HTT: variants seen among roughly 807,000 people sequenced by gnomAD.
The protein encoded by HTT is huntingtin.
Under a neutral mutation model 362.3 loss-of-function variants are expected in HTT, and 104 were observed. The observed-to-expected ratio is 0.29, with a 90% confidence interval of 0.24 to 0.34. The LOEUF is 0.34. HTT is among the 10% of genes least tolerant of loss of function. The pLI is 1.00. For synonymous variants in HTT, 1,577 were observed against 1,548.7 expected (o/e 1.02, Z -0.43); for missense variants, 3,301 against 3,928.6 (o/e 0.84, Z 4.27).
intron 60 of HTT, among the ~76,000 whole-genome samples, chr4:3,232,586 G>A (rs965610667): frequency 3.9e-5 from 6 of 152,208 alleles, no homozygotes; most frequent in Non-Finnish European, 1.5e-5. Context: ...ACTACCCCAG[G>A]CTTTTCTAGA....
intron 5 of HTT, among the ~76,000 whole-genome samples, chr4:3,106,124 A>G (rs573478874): frequency 6.6e-6 from 1 of 152,294 alleles, no homozygotes; most frequent in South Asian, 2.1e-4. Context: ...TGATCCCAGC[A>G]CTTCAGGAGG....
Position 3,172,392 on chromosome 4 carries a change from C to A in HTT, c.3937C>A (p.Gln1313Lys). 1 of 1,601,152 alleles carries A rather than the reference C, an allele frequency of 6.2e-7. No individual in the cohort carries two copies. The highest frequency in any genetic ancestry group is 1.1e-5 in the South Asian group (1 of 90,788). Residue 1313 changes from glutamine (Q) to lysine (K), a missense_variant, in exon 30 of 67, where the codon CAA (glutamine) becomes AAA (lysine). Gln to Lys is a moderately conservative substitution (Grantham distance 53). This residue lies in a region of HTT where 2,316 missense variants were observed against 2,658.5 expected (regional missense o/e 0.87). Coordinates refer to ENST00000355072, the MANE Select transcript of HTT (RefSeq NM_001388492.1). ...ACCAATGATGGCAACTGTTTGTGTT[C>A]AACAAGTAAGAGCTTCATTCTTTTC... ...REPMMATVCV[Q>K]QLLKTLFGTN...
At chr4:3,171,818 C>T (rs949836597) in intron 29 of HTT, among the ~76,000 whole-genome samples, 1 of 152,172 alleles carries the variant, frequency 6.6e-6, no homozygotes, top group South Asian at 2.1e-4. Context: ...CTGTACATCT[C>T]GTTATAGATG....
chr4:3,204,851 T>G (rs1719778792), intron 42 of HTT, among the ~76,000 whole-genome samples: 1 of 151,980 alleles, frequency 6.6e-6, no homozygotes, highest in Non-Finnish European at 1.5e-5. Flanking sequence ...GGCGTGGTGG[T>G]GCATGCCTGT....
intron 64 of HTT, among the ~76,000 whole-genome samples, chr4:3,237,652 C>T (rs898279931): frequency 2.0e-5 from 3 of 152,202 alleles, no homozygotes; most frequent in African/African-American, 7.2e-5. Context: ...GGCTGCCATG[C>T]CACTGCTGGG....
intron 1 of HTT, among the ~76,000 whole-genome samples, chr4:3,085,000 C>A (rs1299360015): frequency 4.0e-5 from 6 of 149,484 alleles, no homozygotes; most frequent in Admixed American, 2.0e-4. Flanking sequence ...GGCGACAGAG[C>A]AAGACTCCGT....
At chr4:3,229,643 G>A (rs181981283) in intron 59 of HTT, among the ~76,000 whole-genome samples, 8 of 148,834 alleles carry the variant, frequency 5.4e-5, no homozygotes, top group Middle Eastern at 3.3e-3. Context: ...CACCACATGC[G>A]CACACACACA....
rs1175675326 is a variant in HTT, at chr4:3,121,394, G to A, written c.1235G>A (p.Gly412Asp). The A allele has an allele frequency of 6.2e-7, 1 of 1,614,182 alleles. No homozygotes were observed. The highest frequency in any genetic ancestry group is 8.5e-7 in the Non-Finnish European group (1 of 1,180,020). The change falls in exon 9 of 67, where the codon GGT becomes GAT. Residue 412 changes from glycine (G) to aspartate (D), a missense_variant. Around this residue, in one of 4 missense-constraint regions of HTT, gnomAD observed 2,316 missense variants for 2,658.5 expected, o/e 0.87. Transcript: ENST00000355072. The stretch of plus-strand genomic sequence containing the variant: ...CTCACCGCTGCTAAGGAGGAGTCTG[G>A]TGGCCGAAGCCGTAGTGGGAGTATT... ...GQLTAAKEES[G>D]GRSRSGSIVE...
rs1714022465 is a variant in HTT at position 3,099,242 on chromosome 4, C to G, written c.348-32C>G. 2.0e-6 allele frequency: 3 copies of G among 1,518,360 alleles called. No homozygotes were observed. The African/African-American group carries it at 4.1e-5, about 21-fold the overall frequency. 94.1% of individuals were successfully genotyped at this position (1,518,360 alleles called of 1,614,324 possible). A position where few individuals can be genotyped will look rare whatever the true frequency, so the allele number is the denominator to read the frequency against. On this transcript the variant is annotated intron_variant, in intron 2 of 66. Transcript: ENST00000355072. ...TTCATTGTCATGTCACCTTAGGCTC[C>G]TCTTGACAGTTTCTCTTCTTTTTTT...
chr4:3,198,343 GCCT>G (rs1719367067), intron 40 of HTT, among the ~76,000 whole-genome samples: 1 of 144,114 alleles, frequency 6.9e-6, no homozygotes, highest in Non-Finnish European at 1.5e-5. Flanking sequence ...TTGTGCTCCC[GCCT>G]CCCAAATACC....
rs567143747 is a variant in HTT, at chr4:3,193,526, C to T, written c.5368+4433C>T. Among the ~76,000 whole-genome samples the T allele has an allele frequency of 8.5e-5, 13 of 152,292 alleles. No homozygotes were observed. The East Asian group carries it at 1.3e-3, about 16-fold the overall frequency. On this transcript the variant is annotated intron_variant, in intron 40 of 66. Transcript: ENST00000355072. ...TTCTGTGTCCTTCTACATGTCCGAG[C>T]GATCTCTGTGCAGCTCAAATGTGGT...
rs1327465564 is a variant in HTT, at chr4:3,228,590, G to A, written c.7849-25G>A. On this transcript the variant is annotated intron_variant, in intron 57 of 66. Coordinates refer to ENST00000355072, the MANE Select transcript of HTT (RefSeq NM_001388492.1). This position sits in a 1 kb window ranked among gnomAD's most constrained non-coding sequence, Gnocchi z 4.3. ...AGCCTGGCACTGTGGCCGCAGCACTGAGCAGTGCCCCGTTTCTGTGGCAGG... is the reference window on the plus strand; with the variant it reads ...AGCCTGGCACTGTGGCCGCAGCACTAAGCAGTGCCCCGTTTCTGTGGCAGG... 6.5e-7 allele frequency: 1 copy of A among 1,541,384 alleles called. No homozygotes were observed. Among genetic ancestry groups the A allele is most frequent in the Non-Finnish European group, 8.7e-7 (1 of 1,144,252 alleles).
Position 3,215,167 on chromosome 4 carries a change from A to G in HTT, c.7010A>G (p.Lys2337Arg), listed in dbSNP as rs186882443. The G allele has an allele frequency of 6.4e-4, 1,028 of 1,614,152 alleles. 1 individual carries two copies. The highest frequency in any genetic ancestry group is 7.8e-4 in the Non-Finnish European group (915 of 1,179,996). Residue 2337 changes from lysine to arginine, a missense_variant, in exon 51 of 67, where the codon AAA (lysine) becomes AGA (arginine). Lys to Arg is a conservative substitution (Grantham distance 26). Coordinates refer to ENST00000355072, the MANE Select transcript of HTT (RefSeq NM_001388492.1). ...LSPERRTNTPKAISEEEEEVD... is the reference protein window; with the variant it reads ...LSPERRTNTPRAISEEEEEVD... Reference sequence around the variant, plus strand: ...CCAGAAAGAAGGACAAATACCCCAAAAGCCATCAGCGAGGAGGAGGAGGAA... The same window carrying G: ...CCAGAAAGAAGGACAAATACCCCAAGAGCCATCAGCGAGGAGGAGGAGGAA...
chr4:3,209,726 G>A (rs1720054179), intron 46 of HTT, 101 bp from the exon 47 acceptor site: 1 of 1,430,032 alleles, frequency 7.0e-7, no homozygotes, highest in Non-Finnish European at 9.7e-7. Context: ...TCAGCCTAGT[G>A]CGGTGTTCCC....
intron 64 of HTT, among the ~76,000 whole-genome samples, chr4:3,236,808 C>T (rs1183904671): frequency 6.6e-6 from 1 of 152,120 alleles, no homozygotes; most frequent in South Asian, 2.1e-4. Context: ...CTTCCCTCAC[C>T]TGCTCTGGAA....
At position 3,126,902 on chromosome 4, in the gene HTT, T is replaced by C. The variant is rs534294556; in HGVS notation, c.1403-362T>C. ...TGCTTGCTTAGAGGGCCTGCGTGTCTGTGACCGCCTAGCTTTGCGCCCCTG... is the reference window on the plus strand; with the variant it reads ...TGCTTGCTTAGAGGGCCTGCGTGTCCGTGACCGCCTAGCTTTGCGCCCCTG... On this transcript the variant is annotated intron_variant, in intron 11 of 66. Transcript: ENST00000355072. Among the ~76,000 whole-genome samples the C allele has an allele frequency of 2.6e-5, 4 of 152,322 alleles. No individual in the cohort carries two copies. The East Asian group carries it at 7.7e-4, about 29-fold the overall frequency.
intron 5 of HTT, 122 bp downstream of exon 5, chr4:3,105,558 G>A: frequency 1.4e-6 from 1 of 707,052 alleles, no homozygotes; most frequent in East Asian, 2.6e-5. Flanking sequence ...AGTCGACCTT[G>A]CCCTGTTTAT....
chr4:3,114,328 AC>A (rs2110170600), intron 6 of HTT, among the ~76,000 whole-genome samples: 1 of 152,316 alleles, frequency 6.6e-6, no homozygotes, highest in East Asian at 1.9e-4. Flanking sequence ...TGAACATGTT[AC>A]AGTGCTTCAG....
At chr4:3,212,836 C>T (rs1578593999) in intron 49 of HTT, 127 bp downstream of exon 49, 1 of 975,558 alleles carries the variant, frequency 1.0e-6, no homozygotes, top group Non-Finnish European at 1.5e-6. Context: ...TCCATCTCAG[C>T]CTGGCAGTAA....
Sources: allele counts gnomAD v4.1 joint callset (sites outside exome capture counted in the v4.1 genomes callset), GRCh38; gene constraint gnomAD v4.1.1; regional missense constraint gnomAD v4.1.1; non-coding constraint Gnocchi (gnomAD v3.1); transcripts MANE v1.5; gene names NCBI Gene and HGNC (gene_info 2026-07-23, HGNC 2026-07-21).